TMEM132E: variants seen among roughly 807,000 people sequenced by gnomAD.
TMEM132E encodes the protein transmembrane protein 132E.
A neutral mutation model predicts 78.5 loss-of-function variants in TMEM132E; 49 were observed. The observed-to-expected ratio is 0.62, with a 90% CI of 0.50 to 0.79. The LOEUF is 0.79. Ranked by LOEUF, TMEM132E falls within the 30% of genes least tolerant of loss-of-function variation. TMEM132E has a pLI of 0.00. For missense variants in TMEM132E, 1,403 were observed against 1,470.9 expected (o/e 0.95, Z 0.75); for synonymous variants, 715 against 670.6 (o/e 1.07, Z -1.02).
At position 34,637,834 on chromosome 17, in the gene TMEM132E, C is replaced by A. The variant is rs763469516; in HGVS notation, c.2827C>A (p.Pro943Thr). The A allele has an allele frequency of 3.7e-6, 6 of 1,610,658 alleles. No homozygotes were observed. In the South Asian group the frequency reaches 5.5e-5, roughly 15 times the overall value. ...CTGGGTGTTCCTGGGCAACGGGCAG[C>A]CGCTGCGGGTGCAAGGAGAGCTGTC... is the stretch of plus-strand genomic sequence containing the variant. ...HHWVFLGNGQPLRVQGELSPP... is the reference protein window; with the variant it reads ...HHWVFLGNGQTLRVQGELSPP... Residue 943 changes from proline to threonine, a missense_variant, in exon 9 of 9, where the codon CCG becomes ACG. Around this residue, in one of 3 missense-constraint regions of TMEM132E, gnomAD observed 888 missense variants for 952.8 expected, o/e 0.93. Coordinates refer to ENST00000631683, the MANE Select transcript of TMEM132E (RefSeq NM_001304438.2).
Position 34,626,732 on chromosome 17 carries a change from G to T in TMEM132E, c.673G>T (p.Gly225Trp), listed in dbSNP as rs1907148730. The T allele has an allele frequency of 1.5e-6, 2 of 1,376,902 alleles. No homozygotes were observed. Among genetic ancestry groups the T allele is most frequent in the Non-Finnish European group, 9.6e-7 (1 of 1,046,462 alleles). The allele number at this position is 1,376,902 out of a possible 1,614,324, so 85.3% of individuals were successfully genotyped here. Residue 225 changes from glycine to tryptophan, a missense_variant, in exon 2 of 9, where the codon GGG becomes TGG. Gly to Trp is a radical substitution (Grantham distance 184). Coordinates refer to ENST00000631683, the MANE Select transcript of TMEM132E (RefSeq NM_001304438.2). ...SPDGLEPEATGESQQAELYYT... is the reference protein window; with the variant it reads ...SPDGLEPEATWESQQAELYYT... ...GGACGGGCTGGAGCCCGAGGCGACG[G>T]GGGAGAGCCAGCAGGCCGAGCTCTA...
chr17:34,606,499 C>T (rs1341686675), intron 1 of TMEM132E, among the ~76,000 whole-genome samples: 1 of 152,172 alleles, frequency 6.6e-6, no homozygotes, highest in African/African-American at 2.4e-5. Flanking sequence ...TTGTCCAAAC[C>T]ACAAAGCAAG....
In TMEM132E at chr17:34,580,795, T is replaced by C; in HGVS notation, c.-282T>C. On this transcript the variant is annotated 5_prime_UTR_variant, in exon 1 of 9. Coordinates refer to ENST00000631683, the MANE Select transcript of TMEM132E (RefSeq NM_001304438.2). ...CCGGGCTCCGGACTGCACGTGCAGCTCCCCCCGCGCCTCGCAGATCCTGCA... is the reference window on the plus strand; with the variant it reads ...CCGGGCTCCGGACTGCACGTGCAGCCCCCCCCGCGCCTCGCAGATCCTGCA... 1 of 378,730 alleles carries C rather than the reference T, an allele frequency of 2.6e-6. No individual in the cohort carries two copies. The highest frequency in any genetic ancestry group is 4.7e-6 in the Non-Finnish European group (1 of 210,930). The allele number at this position is 378,730 out of a possible 1,614,324, so 23.5% of individuals were successfully genotyped here. A position where few individuals can be genotyped will look rare whatever the true frequency, so the allele number is the denominator to read the frequency against.
At chr17:34,634,666 G>T in intron 6 of TMEM132E, 133 bp from the exon 7 acceptor site, 1 of 1,073,930 alleles carries the variant, frequency 9.3e-7, no homozygotes, top group Non-Finnish European at 1.3e-6. Context: ...GAAGGCATGA[G>T]CCATAGAGGA....
At chr17:34,586,407 A>G (rs1320644579) in intron 1 of TMEM132E, among the ~76,000 whole-genome samples, 1 of 152,114 alleles carries the variant, frequency 6.6e-6, no homozygotes, top group Non-Finnish European at 1.5e-5. Context: ...GCCATACTCC[A>G]GCAGTCCCCA....
chr17:34,597,345 G>T (rs1198650461), intron 1 of TMEM132E, among the ~76,000 whole-genome samples: 1 of 151,950 alleles, frequency 6.6e-6, no homozygotes, highest in Admixed American at 6.6e-5. Context: ...AGCTTTCCTT[G>T]TTCTGCATCC....
intron 1 of TMEM132E, among the ~76,000 whole-genome samples, chr17:34,601,087 A>T (rs1473052849): frequency 6.6e-6 from 1 of 152,188 alleles, no homozygotes; most frequent in Non-Finnish European, 1.5e-5. Context: ...GCCAACAAGA[A>T]TCCCAGGGGG....
At position 34,626,604 on chromosome 17, in the gene TMEM132E, T is replaced by C. The variant is rs1907142853; in HGVS notation, c.545T>C (p.Leu182Pro). ...CGGGAAGTCAAGAGCTCCTGCCGCCTCAGCGGGGGCCTGGCCACTTGTCTG... is the reference window on the plus strand; with the variant it reads ...CGGGAAGTCAAGAGCTCCTGCCGCCCCAGCGGGGGCCTGGCCACTTGTCTG... ...DAREVKSSCRLSGGLATCLVR... is the reference protein window; with the variant it reads ...DAREVKSSCRPSGGLATCLVR... The change falls in exon 2 of 9, where the codon CTC becomes CCC. Residue 182 changes from leucine to proline, a missense_variant. This residue lies in a region of TMEM132E where 511 missense variants were observed against 499.0 expected (regional missense o/e 1.02). Transcript: ENST00000631683. The C allele has an allele frequency of 6.6e-7, 1 of 1,526,206 alleles. No homozygotes were observed. Among genetic ancestry groups the C allele is most frequent in the African/African-American group, 1.4e-5 (1 of 73,202 alleles). 94.5% of individuals were successfully genotyped at this position (1,526,206 alleles called of 1,614,324 possible).
chr17:34,608,295 T>C (rs1906481283), intron 1 of TMEM132E, among the ~76,000 whole-genome samples: 1 of 152,164 alleles, frequency 6.6e-6, no homozygotes, highest in African/African-American at 2.4e-5. Flanking sequence ...ATGTCACACT[T>C]CCCCAGGACG....
intron 1 of TMEM132E, among the ~76,000 whole-genome samples, chr17:34,595,815 C>G (rs1413018852): frequency 1.3e-5 from 2 of 152,212 alleles, no homozygotes; most frequent in Non-Finnish European, 2.9e-5. Context: ...TTGGTCACAG[C>G]TGTGGGTAAC....
chr17:34,632,402 G>C (rs77545160), intron 5 of TMEM132E, among the ~76,000 whole-genome samples: 2,820 of 152,344 alleles, frequency 0.019, 101 homozygotes, highest in African/African-American at 0.064. Flanking sequence ...ACCCTGGAGC[G>C]TCCTCCAAAG....
Position 34,626,287 on chromosome 17 carries a change from C to T in TMEM132E, c.228C>T (p.Ser76=), listed in dbSNP as rs144304954. 1 of 1,609,778 alleles carries T rather than the reference C, an allele frequency of 6.2e-7. No individual in the cohort carries two copies. Residue 76 remains serine (S), a synonymous_variant, in exon 2 of 9, where the codon TCC becomes TCT. Transcript: ENST00000631683. ...PAVANSSLQR[S]EPFVVFQTKE... ...TCGCCAACAGCTCTCTGCAGCGCTC[C>T]GAGCCCTTCGTGGTGTTCCAGACCA... is the stretch of plus-strand genomic sequence containing the variant.
At chr17:34,607,422 A>C (rs1008539181) in intron 1 of TMEM132E, among the ~76,000 whole-genome samples, 1 of 152,154 alleles carries the variant, frequency 6.6e-6, no homozygotes, top group Admixed American at 6.5e-5. Flanking sequence ...TCTCTTCCCA[A>C]AGGAAAATCC....
At chr17:34,621,390 T>C (rs1906955731) in intron 1 of TMEM132E, among the ~76,000 whole-genome samples, 1 of 152,156 alleles carries the variant, frequency 6.6e-6, no homozygotes, top group Non-Finnish European at 1.5e-5. Flanking sequence ...CTCTTCTTCT[T>C]ATAAGTACAC....
At chr17:34,583,127 G>A (rs1235031363) in intron 1 of TMEM132E, among the ~76,000 whole-genome samples, 1 of 152,204 alleles carries the variant, frequency 6.6e-6, no homozygotes, top group Non-Finnish European at 1.5e-5. Flanking sequence ...GTCCTGGATT[G>A]GTGGAGGCAG....
At chr17:34,590,301 C>T (rs372603763) in intron 1 of TMEM132E, among the ~76,000 whole-genome samples, 3 of 151,572 alleles carry the variant, frequency 2.0e-5, no homozygotes, top group East Asian at 2.0e-4. Context: ...GGCTTGGTCC[C>T]GACACTCATA....
At position 34,607,939 on chromosome 17, in the gene TMEM132E, G is replaced by A. The variant is rs551776145; in HGVS notation, c.68-18188G>A. Among the ~76,000 whole-genome samples, 165 of 152,232 alleles carry A rather than the reference G, an allele frequency of 1.1e-3. 1 individual carries two copies. Among genetic ancestry groups the A allele is most frequent in the African/African-American group, 3.7e-3 (155 of 41,522 alleles). On this transcript the variant is annotated intron_variant, in intron 1 of 8. Transcript: ENST00000631683. ...CCAACCTGGGAGACCTCCAAACCCC[G>A]TAGTTTAGGTAGGTTTTCAATAAAG... is the stretch of plus-strand genomic sequence containing the variant.
intron 1 of TMEM132E, among the ~76,000 whole-genome samples, chr17:34,621,336 A>C (rs1279562838): frequency 6.6e-6 from 1 of 152,134 alleles, no homozygotes; most frequent in Non-Finnish European, 1.5e-5. Context: ...CTACCTTCTC[A>C]CTGTGTCTTC....
intron 1 of TMEM132E, among the ~76,000 whole-genome samples, chr17:34,592,599 C>T (rs772656914): frequency 1.2e-4 from 19 of 152,174 alleles, no homozygotes; most frequent in African/African-American, 1.9e-4. Context: ...GGTAACCATA[C>T]GCATATTACT....
Sources: gnomAD v4.1 joint callset for allele counts (sites outside exome capture counted in the v4.1 genomes callset) on GRCh38, gnomAD v4.1.1 for gene constraint, gnomAD v4.1.1 regional missense constraint, MANE v1.5 for transcripts, NCBI Gene and HGNC (gene_info 2026-07-23, HGNC 2026-07-21) for gene names.